Variants in LAMA5 observed in about 807,000 individuals in gnomAD.
The protein encoded by LAMA5 is laminin subunit alpha 5.
LAMA5 carries 260 observed loss-of-function variants against 433.4 expected under a neutral mutation model. The observed-to-expected ratio is 0.60, with a 90% CI of 0.54 to 0.66. LAMA5 has a LOEUF of 0.66. Ranked by LOEUF, LAMA5 falls within the 30% of genes least tolerant of loss-of-function variation. The probability of loss-of-function intolerance (pLI) is 0.00; values close to 1 mark genes in which losing one functional copy is unlikely to be tolerated. For synonymous variants in LAMA5, 2,620 were observed against 2,226.6 expected (o/e 1.18, Z -4.97); for missense variants, 5,378 against 5,258.5 (o/e 1.02, Z -0.70).
Position 62,327,973 on chromosome 20 carries a change from A to C in LAMA5, c.4690T>G (p.Cys1564Gly). ...PNVTGRRCDT[C>G]SPGFHGYPRC... ...GGGTAGCCATGGAAGCCCGGAGAGC[A>C]GGTATCACAGCGGCGCCCAGTCACG... The change falls in exon 36 of 80, where the codon TGC (cysteine) becomes GGC (glycine). Residue 1564 changes from cysteine to glycine, a missense_variant. Coordinates refer to ENST00000252999, the MANE Select transcript of LAMA5 (RefSeq NM_005560.6). 2 of 1,612,350 alleles carry C rather than the reference A, an allele frequency of 1.2e-6. No homozygotes were observed. Among genetic ancestry groups the C allele is most frequent in the Non-Finnish European group, 1.7e-6 (2 of 1,179,870 alleles).
chr20:62,345,812 A>C lies in LAMA5; in HGVS notation c.1477+6T>G, dbSNP rs1315794291. 6.5e-7 allele frequency: 1 copy of C among 1,549,754 alleles called. No homozygotes were observed. The highest frequency in any genetic ancestry group is 8.7e-7 in the Non-Finnish European group (1 of 1,146,350). ...CCGGGGACCTGGGGGCCTCAAGGAC[A>C]CTTACTCACAATCTGGCCGGCTGGC... On this transcript the variant is annotated splice_donor_region_variant and intron_variant, in intron 11 of 79. Transcript: ENST00000252999.
Position 62,367,137 on chromosome 20 carries a change from CCCGCGCCCGCG to C in LAMA5, c.98_108del (p.Ala33GlyfsTer68). On this transcript the variant is annotated frameshift_variant, in exon 1 of 80. Coordinates refer to ENST00000252999, the MANE Select transcript of LAMA5 (RefSeq NM_005560.6). LOFTEE classifies it high-confidence loss of function. ...AGGCTGAAGCCGCCGCCCGCCTCCTCCCGCGCCCGCGCCGCGCCCAGCAGCGCCAGCCCGAC... is the reference window on the plus strand; with the variant it reads ...AGGCTGAAGCCGCCGCCCGCCTCCTCCCGCGCCCAGCAGCGCCAGCCCGAC... The C allele has an allele frequency of 7.9e-7, 1 of 1,269,456 alleles. No individual in the cohort carries two copies. Among genetic ancestry groups the C allele is most frequent in the Non-Finnish European group, 9.9e-7 (1 of 1,010,840 alleles). The allele number at this position is 1,269,456 out of a possible 1,614,324, so 78.6% of individuals were successfully genotyped here. A position where few individuals can be genotyped will look rare whatever the true frequency, so the allele number is the denominator to read the frequency against.
At chr20:62,310,382 T>C in intron 76 of LAMA5, 37 bp downstream of exon 76, 1 of 1,573,556 alleles carries the variant, frequency 6.4e-7, no homozygotes, top group Non-Finnish European at 8.6e-7. Context: ...CCCCCTGCCC[T>C]GCCCTGCTGA....
chr20:62,319,508 C>A (rs919672312), intron 51 of LAMA5, among the ~76,000 whole-genome samples, 176 bp downstream of exon 51: 1 of 152,180 alleles, frequency 6.6e-6, no homozygotes, highest in Non-Finnish European at 1.5e-5. Flanking sequence ...TCTGGCCACA[C>A]GGCTGTGTCG....
intron 2 of LAMA5, among the ~76,000 whole-genome samples, chr20:62,360,128 C>T (rs368271204): frequency 2.0e-5 from 3 of 151,184 alleles, no homozygotes; most frequent in South Asian, 4.2e-4. Context: ...AGTCCCTGCC[C>T]CCACCCTGAC....
At chr20:62,347,407 G>A (rs149115487) in intron 6 of LAMA5, among the ~76,000 whole-genome samples, 32 of 152,220 alleles carry the variant, frequency 2.1e-4, no homozygotes, top group African/African-American at 5.5e-4. Context: ...GGAGACCTGC[G>A]TTCTCCAAAA....
At position 62,338,574 on chromosome 20, in the gene LAMA5, G is replaced by A. The variant is rs142723423; in HGVS notation, c.1512C>T (p.Asn504=). The A allele has an allele frequency of 2.2e-4, 351 of 1,611,028 alleles. No homozygotes were observed. The highest frequency in any genetic ancestry group is 2.7e-4 in the Non-Finnish European group (318 of 1,179,504). ...CCACCCTTGGGTCCTTCCGGCAGGC[G>A]TTGCCCTGGGTCCCTGCCGCGCTGC... ...CDCSAAGTQG[N]ACRKDPRVGR... The change falls in exon 12 of 80, where the codon AAC becomes AAT. Residue 504 remains asparagine (N), a synonymous_variant. Coordinates refer to ENST00000252999, the MANE Select transcript of LAMA5 (RefSeq NM_005560.6).
chr20:62,362,371 G>T, intron 2 of LAMA5, 29 bp downstream of exon 2: 1 of 1,473,454 alleles, frequency 6.8e-7, no homozygotes, highest in Admixed American at 2.2e-5. Flanking sequence ...CAGAGATGGG[G>T]GCTGCAGCAC....
chr20:62,353,668 G>A (rs13037253), intron 2 of LAMA5, among the ~76,000 whole-genome samples: 35,389 of 152,134 alleles, frequency 0.23, 4,227 homozygotes, highest in Non-Finnish European at 0.25. Context: ...CAGCCCTCAC[G>A]TCCAGCCAGG....
chr20:62,351,327 A>C, intron 6 of LAMA5: 1 of 331,950 alleles, frequency 3.0e-6, no homozygotes, highest in Admixed American at 4.2e-5. Context: ...ATTCCGGGGG[A>C]TGCAGTCTTG....
chr20:62,328,616 G>T (rs1979752345), intron 34 of LAMA5, among the ~76,000 whole-genome samples, 171 bp from the exon 35 acceptor site: 1 of 146,140 alleles, frequency 6.8e-6, no homozygotes, highest in Non-Finnish European at 1.5e-5. Context: ...GGAGGCAGCT[G>T]CTCAGAATCA....
In LAMA5 at chr20:62,322,539, C is replaced by T. The variant is rs180992126; in HGVS notation, c.6166-90G>A. On this transcript the variant is annotated intron_variant, in intron 46 of 79. Coordinates refer to ENST00000252999, the MANE Select transcript of LAMA5 (RefSeq NM_005560.6). ...CAGGGGTCCTGCCCATCTGGCCCCA[C>T]CCCCTGAGGCTCTGCCCATCAAACA... 1.4e-3 allele frequency: 2,013 copies of T among 1,445,542 alleles called. 20 individuals are homozygous for T. In the African/African-American group the frequency reaches 0.023, roughly 16 times the overall value. The allele number at this position is 1,445,542 out of a possible 1,614,324, so 89.5% of individuals were successfully genotyped here.
At chr20:62,319,997 C>T (rs1338230539) in intron 50 of LAMA5, among the ~76,000 whole-genome samples, 3 of 152,142 alleles carry the variant, frequency 2.0e-5, no homozygotes, top group Non-Finnish European at 2.9e-5. Context: ...TTGTTATTTC[C>T]TGTCAATTTA....
rs770831626 is a variant in LAMA5, at chr20:62,333,963, GC to G, written c.2815del (p.Ala939ProfsTer2). On this transcript the variant is annotated frameshift_variant, in exon 23 of 80. Coordinates refer to ENST00000252999, the MANE Select transcript of LAMA5 (RefSeq NM_005560.6). LOFTEE classifies it high-confidence loss of function. ...AGAGACCCGCCCGCTCACACTCATG[GC>G]CCCCCGGTTGACGTATCGGAAGACG... The part of the protein sequence containing the change: ...WLVFRYVNRG[A>X]MSVSGRVSVR... The G allele has an allele frequency of 2.5e-6, 4 of 1,612,670 alleles. No homozygotes were observed. Among genetic ancestry groups the G allele is most frequent in the Non-Finnish European group, 3.4e-6 (4 of 1,179,820 alleles).
At position 62,322,822 on chromosome 20, in the gene LAMA5, C is replaced by A. The variant is rs977173278; in HGVS notation, c.6065-64G>T. 386 of 1,034,034 alleles carry A rather than the reference C, an allele frequency of 3.7e-4. 1 individual carries two copies. Among genetic ancestry groups the A allele is most frequent in the Admixed American group, 1.3e-3 (39 of 31,000 alleles). The allele number at this position is 1,034,034 out of a possible 1,614,324, so 64.1% of individuals were successfully genotyped here. ...CACCCCCCCAGGGAGCCCCTAGGCA[C>A]CCTCCTAAGCCCTCACTTCACTGCC... On this transcript the variant is annotated intron_variant, in intron 45 of 79. Coordinates refer to ENST00000252999, the MANE Select transcript of LAMA5 (RefSeq NM_005560.6).
Position 62,351,577 on chromosome 20 carries a change from G to GAC in LAMA5, c.956+125_956+126dup, listed in dbSNP as rs1382478617. On this transcript the variant is annotated intron_variant, in intron 6 of 79. Transcript: ENST00000252999. ...GGCGGTGGTCAGTGCAGGTCACACA[G>GAC]ACAGCAGGGTTGTGGTGGGCCATGG... 22 of 838,570 alleles carry GAC rather than the reference G, an allele frequency of 2.6e-5. No individual in the cohort carries two copies. In the East Asian group the frequency reaches 2.6e-4, roughly 10 times the overall value. 51.9% of individuals were successfully genotyped at this position (838,570 alleles called of 1,614,324 possible). A position where few individuals can be genotyped will look rare whatever the true frequency, so the allele number is the denominator to read the frequency against.
intron 51 of LAMA5, 39 bp from the exon 52 acceptor site, chr20:62,319,052 T>C (rs1490715417): frequency 4.0e-6 from 6 of 1,487,806 alleles, no homozygotes; most frequent in Middle Eastern, 1.8e-4. Flanking sequence ...GGGCCGCCCG[T>C]ACTAGTGCAC....
intron 6 of LAMA5, chr20:62,351,294 C>T (rs189361520): frequency 2.7e-4 from 72 of 265,204 alleles, no homozygotes; most frequent in Non-Finnish European, 4.5e-4. Flanking sequence ...AGGGCTGCCT[C>T]GGCAGGTAGT....
Position 62,311,506 on chromosome 20 carries a change from C to T in LAMA5, c.9837G>A (p.Leu3279=), listed in dbSNP as rs1288311169. ...RLLGPQRVFD[L]QQNLGSVNVS... ...CATTGACGCTGCCCAGGTTCTGCTGCAGATCAAATACGCGCTGTGGGCCCA... is the reference window on the plus strand; with the variant it reads ...CATTGACGCTGCCCAGGTTCTGCTGTAGATCAAATACGCGCTGTGGGCCCA... The change falls in exon 72 of 80, where the codon CTG becomes CTA. Residue 3279 remains leucine, a synonymous_variant. Coordinates refer to ENST00000252999, the MANE Select transcript of LAMA5 (RefSeq NM_005560.6). The T allele has an allele frequency of 6.2e-7, 1 of 1,611,238 alleles. No homozygotes were observed. The highest frequency in any genetic ancestry group is 8.5e-7 in the Non-Finnish European group (1 of 1,179,116).
Sources: allele counts gnomAD v4.1 joint callset (sites outside exome capture counted in the v4.1 genomes callset), GRCh38; gene constraint gnomAD v4.1.1; transcripts MANE v1.5; gene names NCBI Gene and HGNC (gene_info 2026-07-23, HGNC 2026-07-21).